The following LRRC4C variants were observed in gnomAD, a reference collection of about 807,000 sequenced individuals.
The protein encoded by LRRC4C is leucine rich repeat containing 4C, also known as leucine-rich repeat-containing protein 4C.
LRRC4C carries 5 observed loss-of-function variants against 33.6 expected under a neutral mutation model. That is an observed-to-expected ratio of 0.15 (90% confidence interval 0.08 to 0.31). The LOEUF (loss-of-function observed/expected upper bound fraction) is 0.31. LRRC4C is among the 10% of genes least tolerant of loss of function. The pLI is 1.00. For missense variants in LRRC4C, 560 were observed against 796.7 expected (o/e 0.70, Z 3.58); for synonymous variants, 329 against 302.0 (o/e 1.09, Z -0.93).
chr11:40,176,285 C>G (rs1860480383), intron 5 of LRRC4C, among the ~76,000 whole-genome samples: 1 of 152,112 alleles, frequency 6.6e-6, no homozygotes, highest in African/African-American at 2.4e-5. Context: ...GCAAAGGGAC[C>G]TGAATACTTT....
chr11:41,225,227 G>C (rs753570663), intron 1 of LRRC4C, among the ~76,000 whole-genome samples: 1 of 152,012 alleles, frequency 6.6e-6, no homozygotes, highest in Non-Finnish European at 1.5e-5. Context: ...CCTAGTATTT[G>C]ATAGCACAAC....
chr11:41,120,789 T>C (rs1003385522), intron 1 of LRRC4C, among the ~76,000 whole-genome samples: 8 of 152,146 alleles, frequency 5.3e-5, no homozygotes, highest in Non-Finnish European at 7.4e-5. Context: ...AGGGACCTGG[T>C]GGAAGGTGAT....
At chr11:41,097,470 GT>G (rs1181445835) in intron 1 of LRRC4C, among the ~76,000 whole-genome samples, 2 of 152,088 alleles carry the variant, frequency 1.3e-5, no homozygotes, top group Admixed American at 1.3e-4. Flanking sequence ...TACAAAGAAT[GT>G]TCTTCTGTAT....
At chr11:41,349,374 A>G (rs1410529585) in intron 1 of LRRC4C, among the ~76,000 whole-genome samples, 1 of 151,956 alleles carries the variant, frequency 6.6e-6, no homozygotes, top group Non-Finnish European at 1.5e-5. Context: ...CATCACCAAC[A>G]TTTGGAATGT....
chr11:40,597,610 G>A (rs1039751531), intron 3 of LRRC4C, among the ~76,000 whole-genome samples: 2 of 145,990 alleles, frequency 1.4e-5, no homozygotes, highest in Non-Finnish European at 3.1e-5. Context: ...CAAACAGGAA[G>A]GAAGAAATCC....
At chr11:40,814,922 G>C (rs1470701566) in intron 2 of LRRC4C, among the ~76,000 whole-genome samples, 2 of 152,102 alleles carry the variant, frequency 1.3e-5, no homozygotes, top group African/African-American at 4.8e-5. Context: ...TCTTTAGGAA[G>C]TTCCAAACAT....
intron 5 of LRRC4C, among the ~76,000 whole-genome samples, chr11:40,203,353 A>C (rs2135747078): frequency 6.6e-6 from 1 of 152,292 alleles, no homozygotes; most frequent in Admixed American, 6.5e-5. Context: ...AGGGTAAATA[A>C]ATGCTCTAGT....
intron 5 of LRRC4C, among the ~76,000 whole-genome samples, chr11:40,192,660 T>C (rs918959137): frequency 1.3e-5 from 2 of 152,140 alleles, no homozygotes; most frequent in East Asian, 1.9e-4. Flanking sequence ...TCTTGCTCAA[T>C]GGATCCCACT....
At chr11:41,154,805 C>T (rs920417635) in intron 1 of LRRC4C, among the ~76,000 whole-genome samples, 2 of 152,080 alleles carry the variant, frequency 1.3e-5, no homozygotes, top group African/African-American at 2.4e-5. Context: ...GTGAAAGGAA[C>T]ATTCCACAGC....
intron 3 of LRRC4C, among the ~76,000 whole-genome samples, chr11:40,596,504 G>A: frequency 6.6e-6 from 1 of 150,494 alleles, no homozygotes; most frequent in Non-Finnish European, 1.5e-5. Flanking sequence ...ATAAATTATT[G>A]TTAACCGTAA....
At chr11:41,069,640 C>G (rs553253740) in intron 1 of LRRC4C, among the ~76,000 whole-genome samples, 1 of 152,014 alleles carries the variant, frequency 6.6e-6, no homozygotes, top group East Asian at 1.9e-4. Flanking sequence ...AGCAGAGAGC[C>G]AAATCATGAA....
At chr11:40,758,927 G>T (rs4500470) in intron 2 of LRRC4C, among the ~76,000 whole-genome samples, 122,220 of 151,500 alleles carry the variant, frequency 0.81, 49,501 homozygotes, top group African/African-American at 0.87. Context: ...GAAATTACAG[G>T]CTCAGTAACC....
chr11:40,256,941 C>T (rs905519491), intron 4 of LRRC4C, among the ~76,000 whole-genome samples: 5 of 152,176 alleles, frequency 3.3e-5, no homozygotes, highest in Admixed American at 1.3e-4. Flanking sequence ...TGTATCAAGC[C>T]ATCGGGTGTT....
intron 2 of LRRC4C, among the ~76,000 whole-genome samples, chr11:40,735,207 A>G (rs1161522354): frequency 6.6e-6 from 1 of 152,052 alleles, no homozygotes; most frequent in Non-Finnish European, 1.5e-5. Context: ...CATGTGCACA[A>G]TGTGCAGGTT....
At chr11:40,247,202 G>A (rs1006057619) in intron 4 of LRRC4C, among the ~76,000 whole-genome samples, 8 of 151,540 alleles carry the variant, frequency 5.3e-5, no homozygotes, top group Admixed American at 3.3e-4. Flanking sequence ...CTTCTCCAGC[G>A]CACCCACTGA....
chr11:41,304,031 A>C (rs1223937255), intron 1 of LRRC4C, among the ~76,000 whole-genome samples: 2 of 54,920 alleles, frequency 3.6e-5, no homozygotes, highest in East Asian at 1.2e-3. Context: ...CAGCCGCCCC[A>C]TCCGGGAGGG....
chr11:40,485,357 T>C (rs11035862), intron 3 of LRRC4C, among the ~76,000 whole-genome samples: 20,918 of 151,728 alleles, frequency 0.14, 1,602 homozygotes, highest in African/African-American at 0.18. Flanking sequence ...CTCTCTCACA[T>C]GCGCGCTCTC....
chr11:40,855,486 T>C (rs1310790083), intron 2 of LRRC4C, among the ~76,000 whole-genome samples: 1 of 152,204 alleles, frequency 6.6e-6, no homozygotes, highest in Non-Finnish European at 1.5e-5. Context: ...GCACACTTAC[T>C]ATGTTTTGTC....
intron 1 of LRRC4C, among the ~76,000 whole-genome samples, chr11:41,175,344 T>C (rs1216452845): frequency 6.6e-6 from 1 of 152,194 alleles, no homozygotes; most frequent in Non-Finnish European, 1.5e-5. Context: ...AAGCTTATTC[T>C]GCAGGAGGAA....
Sources: allele counts gnomAD v4.1 joint callset (sites outside exome capture counted in the v4.1 genomes callset), GRCh38; gene constraint gnomAD v4.1.1; transcripts MANE v1.5; gene names NCBI Gene and HGNC (gene_info 2026-07-23, HGNC 2026-07-21).